The following PSEN1 variants were observed in gnomAD, a reference collection of about 807,000 sequenced individuals.
PSEN1 encodes the protein presenilin-1.
PSEN1 carries 15 observed loss-of-function variants against 53.5 expected under a neutral mutation model. The ratio of observed to expected loss-of-function variants is 0.28; its 90% CI spans 0.19 to 0.43. PSEN1 has a LOEUF of 0.43. PSEN1 is among the 20% of genes least tolerant of loss of function. PSEN1 has a pLI of 1.00. For synonymous variants in PSEN1, 208 were observed against 209.8 expected, an observed-to-expected ratio of 0.99 and a Z score of 0.08; for missense variants, 387 against 571.2, an observed-to-expected ratio of 0.68 and a Z score of 3.29.
chr14:73,150,805 C>G lies in PSEN1; in HGVS notation c.87+2699C>G, dbSNP rs1284787707. On this transcript the variant is annotated intron_variant, in intron 3 of 11. Transcript: ENST00000324501. ...AAAAAAAAAGCCAGGTGCGGTGGCT[C>G]ACGCCTGTAATCCCAACACTTTGGG... Among the ~76,000 whole-genome samples, 3 of 141,584 alleles carry G rather than the reference C, an allele frequency of 2.1e-5. No individual in the cohort carries two copies. In the East Asian group the frequency reaches 6.4e-4, roughly 30 times the overall value. The allele number at this position is 141,584 out of a possible 152,430, so 92.9% of individuals were successfully genotyped here.
chr14:73,166,067 TAATAA>T (rs1005917772), intron 3 of PSEN1, among the ~76,000 whole-genome samples: 5 of 151,336 alleles, frequency 3.3e-5, no homozygotes, highest in Admixed American at 2.0e-4. Context: ...ATAATAATAA[TAATAA>T]AATAAAAATA....
At chr14:73,173,991 G>A in intron 5 of PSEN1, 7 of 564,600 alleles carry the variant, frequency 1.2e-5, no homozygotes, top group East Asian at 2.8e-5. Flanking sequence ...CTCTATTAAA[G>A]AAAACAAAAA....
chr14:73,196,085 AGAG>A (rs1898928796), intron 7 of PSEN1, among the ~76,000 whole-genome samples: 2 of 152,216 alleles, frequency 1.3e-5, no homozygotes, highest in Admixed American at 6.5e-5. Context: ...CCCAATGTTT[AGAG>A]TAGTGATTCT....
chr14:73,193,800 G>A (rs971925980), intron 7 of PSEN1, among the ~76,000 whole-genome samples: 2 of 151,888 alleles, frequency 1.3e-5, no homozygotes, highest in African/African-American at 2.4e-5. Flanking sequence ...AGAACTACAG[G>A]TGTGCACCAC....
At chr14:73,216,050 A>G (rs1337902313) in intron 10 of PSEN1, among the ~76,000 whole-genome samples, 1 of 152,068 alleles carries the variant, frequency 6.6e-6, no homozygotes, top group African/African-American at 2.4e-5. Flanking sequence ...AACAATCCAG[A>G]TGTCCATCAA....
intron 10 of PSEN1, among the ~76,000 whole-genome samples, chr14:73,214,175 C>T (rs1197074547): frequency 6.6e-6 from 1 of 151,868 alleles, no homozygotes; most frequent in African/African-American, 2.4e-5. Flanking sequence ...CATTAGTACA[C>T]TTAGGATGAG....
chr14:73,214,266 A>G (rs892944751), intron 10 of PSEN1, among the ~76,000 whole-genome samples: 4 of 152,138 alleles, frequency 2.6e-5, no homozygotes, highest in Non-Finnish European at 4.4e-5. Context: ...CAGTGGCTCA[A>G]GCACCTGTAA....
chr14:73,160,478 T>G (rs890234240), intron 3 of PSEN1, among the ~76,000 whole-genome samples: 3 of 152,234 alleles, frequency 2.0e-5, no homozygotes, highest in Non-Finnish European at 2.9e-5. Context: ...ACCTCCATAT[T>G]GTTTTCCATG....
intron 6 of PSEN1, among the ~76,000 whole-genome samples, chr14:73,187,212 A>C (rs1201728974): frequency 6.6e-6 from 1 of 152,224 alleles, no homozygotes; most frequent in African/African-American, 2.4e-5. Flanking sequence ...AGAATGTTTT[A>C]AGAAAGGGTT....
intron 9 of PSEN1, among the ~76,000 whole-genome samples, chr14:73,210,065 C>T (rs563525383): frequency 5.3e-5 from 8 of 152,178 alleles, no homozygotes; most frequent in South Asian, 2.1e-4. Context: ...ACTGTGTTAA[C>T]GGAACTAGAA....
rs548244295 is a variant in PSEN1, at chr14:73,179,138, A to C, written c.480+5431A>C. 7.0e-4 allele frequency among the ~76,000 whole-genome samples: 107 copies of C among 152,282 alleles called. 3 individuals carry two copies. The South Asian group carries it at 0.021, about 30-fold the overall frequency. On this transcript the variant is annotated intron_variant, in intron 5 of 11. Coordinates refer to ENST00000324501, the MANE Select transcript of PSEN1 (RefSeq NM_000021.4). ...AGCCAAAAGTGGACTTTATCTTCCT[A>C]AAGTCAGGGCCAAAATGTGGGAGGA...
Position 73,206,476 on chromosome 14 carries a change from G to A in PSEN1, c.955+4G>A. ...AATTCCAAGTATAATGCAGAAAGTAGGTAACTTTTATTAGATAATATCTTG... is the reference window on the plus strand; with the variant it reads ...AATTCCAAGTATAATGCAGAAAGTAAGTAACTTTTATTAGATAATATCTTG... On this transcript the variant is annotated splice_donor_region_variant and intron_variant, in intron 9 of 11. Transcript: ENST00000324501. The A allele has an allele frequency of 6.2e-7, 1 of 1,602,810 alleles. No individual in the cohort carries two copies. Among genetic ancestry groups the A allele is most frequent in the African/African-American group, 1.3e-5 (1 of 74,794 alleles).
At chr14:73,141,947 G>T (rs1896941632) in intron 1 of PSEN1, among the ~76,000 whole-genome samples, 1 of 151,388 alleles carries the variant, frequency 6.6e-6, no homozygotes, top group Non-Finnish European at 1.5e-5. Flanking sequence ...GGCACCTGTA[G>T]TCCCAGCTAC....
chr14:73,213,495 A>G (rs1899785505), intron 10 of PSEN1, among the ~76,000 whole-genome samples: 1 of 152,186 alleles, frequency 6.6e-6, no homozygotes, highest in Non-Finnish European at 1.5e-5. Flanking sequence ...ATGCAAAGTA[A>G]TAACGGACGT....
intron 6 of PSEN1, 43 bp downstream of exon 6, chr14:73,186,963 C>T (rs373410824): frequency 2.1e-6 from 3 of 1,419,952 alleles, no homozygotes; most frequent in Non-Finnish European, 3.0e-6. Context: ...AATTAACTAC[C>T]TTTGTGCTGT....
chr14:73,177,710 C>T (rs1595008604), intron 5 of PSEN1, among the ~76,000 whole-genome samples: 1 of 152,182 alleles, frequency 6.6e-6, no homozygotes, highest in Non-Finnish European at 1.5e-5. Flanking sequence ...TTCTTTCAGC[C>T]TCCATGGTTT....
chr14:73,158,278 T>C (rs1349612104), intron 3 of PSEN1, among the ~76,000 whole-genome samples: 1 of 138,042 alleles, frequency 7.2e-6, no homozygotes, highest in Admixed American at 7.5e-5. Context: ...TATTTAACTT[T>C]TTTTTCTATC....
intron 6 of PSEN1, among the ~76,000 whole-genome samples, chr14:73,190,727 A>C (rs1898685289): frequency 1.3e-5 from 2 of 152,186 alleles, no homozygotes; most frequent in Non-Finnish European, 2.9e-5. Context: ...CTCAAGAAAA[A>C]GTAGTGCTTT....
intron 8 of PSEN1, among the ~76,000 whole-genome samples, chr14:73,204,528 TAAA>T (rs34528538): frequency 1.4e-5 from 2 of 138,360 alleles, no homozygotes; most frequent in Non-Finnish European, 1.6e-5. Context: ...TTTTTACATT[TAAA>T]AAAAAAAAAA....
Sources: gnomAD v4.1 joint callset for allele counts (sites outside exome capture counted in the v4.1 genomes callset) on GRCh38, gnomAD v4.1.1 for gene constraint, MANE v1.5 for transcripts, NCBI Gene and HGNC (gene_info 2026-07-23, HGNC 2026-07-21) for gene names.